The following GASK1A variants were observed in gnomAD, a reference collection of about 807,000 sequenced individuals.
The protein encoded by GASK1A is golgi associated kinase 1A.
GASK1A carries 40 observed loss-of-function variants against 41.2 expected under a neutral mutation model. The observed-to-expected ratio is 0.97, with a 90% CI of 0.75 to 1.27. GASK1A has a LOEUF of 1.27. Among genes scored for constraint, GASK1A ranks in the 50% most tolerant of loss-of-function variants. GASK1A has a pLI of 0.00. For synonymous variants in GASK1A, 316 were observed against 307.1 expected (o/e 1.03, Z -0.30); for missense variants, 678 against 745.1 (o/e 0.91, Z 1.05).
At chr3:43,006,759 C>T (rs1044342356) in intron 1 of GASK1A, among the ~76,000 whole-genome samples, 1 of 152,168 alleles carries the variant, frequency 6.6e-6, no homozygotes, top group African/African-American at 2.4e-5. Flanking sequence ...TCTCAGGAAA[C>T]ACCCAAAGAG....
At chr3:42,990,311 C>T (rs1452713062) in intron 1 of GASK1A, among the ~76,000 whole-genome samples, 1 of 150,254 alleles carries the variant, frequency 6.7e-6, no homozygotes, top group Non-Finnish European at 1.5e-5. Flanking sequence ...GATCATGTCA[C>T]TGCATTCCAG....
intron 2 of GASK1A, among the ~76,000 whole-genome samples, chr3:43,039,921 C>G (rs1186230664): frequency 6.6e-6 from 1 of 152,168 alleles, no homozygotes; most frequent in Non-Finnish European, 1.5e-5. Context: ...GATTAAGGAA[C>G]TTAGCCCTTT....
chr3:42,988,143 G>C (rs1273924225), intron 1 of GASK1A, among the ~76,000 whole-genome samples: 1 of 152,062 alleles, frequency 6.6e-6, no homozygotes, highest in African/African-American at 2.4e-5. Flanking sequence ...CCTTCCTTCT[G>C]GCCTCCAGCC....
chr3:43,046,072 G>C (rs558329733), intron 2 of GASK1A, among the ~76,000 whole-genome samples: 1 of 152,334 alleles, frequency 6.6e-6, no homozygotes, highest in Admixed American at 6.5e-5. Context: ...GTACCACAAA[G>C]AGTGGGGTGC....
At chr3:42,992,854 C>T (rs1352688631) in intron 1 of GASK1A, among the ~76,000 whole-genome samples, 1 of 152,136 alleles carries the variant, frequency 6.6e-6, no homozygotes, top group Admixed American at 6.5e-5. Flanking sequence ...AGGGGTGCCT[C>T]GTGGTCAGAA....
In GASK1A at chr3:42,984,680, A is replaced by T. The variant is rs1254632107; in HGVS notation, c.3+5035A>T. ...AGCAAGGTCTAGTATAAAGAAAGTG[A>T]CTTTATTCTAAAGCTTAGCTTAGGG... On this transcript the variant is annotated intron_variant, in intron 1 of 4. Coordinates refer to ENST00000430121, the MANE Select transcript of GASK1A (RefSeq NM_001129908.3). The surrounding 1 kb of genome is among the most constrained non-coding windows in gnomAD (Gnocchi z 4.2). 1.3e-5 allele frequency among the ~76,000 whole-genome samples: 2 copies of T among 152,196 alleles called. No individual in the cohort carries two copies. Among genetic ancestry groups the T allele is most frequent in the Non-Finnish European group, 2.9e-5 (2 of 68,034 alleles).
intron 2 of GASK1A, among the ~76,000 whole-genome samples, chr3:43,043,628 A>G (rs1422913431): frequency 6.6e-6 from 1 of 152,216 alleles, no homozygotes; most frequent in African/African-American, 2.4e-5. Context: ...CTTGGCTGCT[A>G]GCAGGGGTCA....
chr3:42,987,325 G>T (rs1192988077), intron 1 of GASK1A, among the ~76,000 whole-genome samples: 2 of 152,198 alleles, frequency 1.3e-5, no homozygotes, highest in Admixed American at 6.5e-5. Context: ...AGGGGAAGGG[G>T]TGTCTGTAAT....
At chr3:43,006,225 G>C (rs565053953) in intron 1 of GASK1A, among the ~76,000 whole-genome samples, 1 of 152,148 alleles carries the variant, frequency 6.6e-6, no homozygotes, top group Non-Finnish European at 1.5e-5. Context: ...TCGGTGCACA[G>C]CCGTTGGCTT....
intron 1 of GASK1A, among the ~76,000 whole-genome samples, chr3:43,009,782 A>T (rs1292081816): frequency 6.6e-6 from 1 of 152,240 alleles, no homozygotes; most frequent in African/African-American, 2.4e-5. Context: ...CCAGCATTCC[A>T]TGCTTCACCA....
intron 1 of GASK1A, among the ~76,000 whole-genome samples, chr3:42,983,093 G>A (rs550569759): frequency 1.6e-4 from 25 of 152,334 alleles, no homozygotes; most frequent in Admixed American, 5.2e-4. Flanking sequence ...ATTGAGGGAT[G>A]TGGTGTGGCT....
chr3:43,002,730 A>G, intron 1 of GASK1A, among the ~76,000 whole-genome samples: 1 of 152,330 alleles, frequency 6.6e-6, no homozygotes, highest in Non-Finnish European at 1.5e-5. Flanking sequence ...GTTAAATAAA[A>G]TATATTATTA....
intron 1 of GASK1A, among the ~76,000 whole-genome samples, chr3:42,979,989 C>A (rs2089274474): frequency 6.6e-6 from 1 of 152,160 alleles, no homozygotes; most frequent in African/African-American, 2.4e-5. Context: ...CCCACGGCAG[C>A]CTCTGATGAG....
intron 1 of GASK1A, among the ~76,000 whole-genome samples, chr3:43,024,340 A>G (rs2125683965): frequency 6.6e-6 from 1 of 152,322 alleles, no homozygotes; most frequent in Non-Finnish European, 1.5e-5. Context: ...AACCACAGTA[A>G]AGGCTTCAGC....
intron 1 of GASK1A, among the ~76,000 whole-genome samples, chr3:43,013,916 T>C (rs1169037767): frequency 7.4e-6 from 1 of 135,054 alleles, no homozygotes; most frequent in Non-Finnish European, 1.6e-5. Flanking sequence ...AAGTGGCTGT[T>C]GGAAGTCACA....
At chr3:42,990,607 G>A (rs879492899) in intron 1 of GASK1A, among the ~76,000 whole-genome samples, 3 of 152,218 alleles carry the variant, frequency 2.0e-5, no homozygotes, top group Admixed American at 2.0e-4. Flanking sequence ...GGAATTCCGA[G>A]TCTTGGGGAG....
intron 1 of GASK1A, among the ~76,000 whole-genome samples, chr3:43,000,834 G>A (rs1317031832): frequency 1.3e-5 from 2 of 152,218 alleles, no homozygotes; most frequent in Non-Finnish European, 2.9e-5. Flanking sequence ...GCAAAGTGGG[G>A]CACGGAGGAC....
intron 1 of GASK1A, among the ~76,000 whole-genome samples, chr3:43,017,850 TGAAGCCACAGGAAGGGCCAGTGC>T (rs1352441982): frequency 6.7e-6 from 1 of 148,578 alleles, no homozygotes. Flanking sequence ...AGGGACTGTG[TGAAGCCACAGGAAGGGCCAGTGC>T]GAAGCCACAG....
chr3:43,001,732 C>G (rs2089410081), intron 1 of GASK1A, among the ~76,000 whole-genome samples: 1 of 152,146 alleles, frequency 6.6e-6, no homozygotes, highest in African/African-American at 2.4e-5. Context: ...AGGTGGGCCC[C>G]TGCGGATGTA....
Sources: allele counts gnomAD v4.1 joint callset (sites outside exome capture counted in the v4.1 genomes callset), GRCh38; gene constraint gnomAD v4.1.1; non-coding constraint Gnocchi (gnomAD v3.1); transcripts MANE v1.5; gene names NCBI Gene and HGNC (gene_info 2026-07-23, HGNC 2026-07-21).